The following METTL15 variants were observed in gnomAD, a reference collection of about 807,000 sequenced individuals.
METTL15 encodes methyltransferase 15, mitochondrial 12S rRNA N4-cytidine, also known as 12S rRNA N(4)-cytidine methyltransferase METTL15.
METTL15 carries 34 observed loss-of-function variants against 38.3 expected under a neutral mutation model. The observed-to-expected ratio is 0.89, with a 90% CI of 0.68 to 1.18. The LOEUF is 1.18. METTL15 is among the 50% of genes most tolerant of loss of function. The pLI is 0.00. For missense variants in METTL15, 438 were observed against 498.4 expected, an observed-to-expected ratio of 0.88 and a Z score of 1.15; for synonymous variants, 162 against 170.9, an observed-to-expected ratio of 0.95 and a Z score of 0.41.
intron 2 of METTL15, among the ~76,000 whole-genome samples, chr11:28,110,987 A>C (rs890666984): frequency 1.3e-5 from 2 of 152,210 alleles, no homozygotes; most frequent in African/African-American, 4.8e-5. Flanking sequence ...AGCAGACTGC[A>C]GGAGAGCTCC....
At chr11:28,496,658 A>G (rs1286873048) in intron 6 of METTL15, among the ~76,000 whole-genome samples, 1 of 152,218 alleles carries the variant, frequency 6.6e-6, no homozygotes, top group Non-Finnish European at 1.5e-5. Flanking sequence ...TTTCTAGCTT[A>G]ATAGTTTCTA....
chr11:28,375,279 G>A (rs1399019010), intron 5 of METTL15, among the ~76,000 whole-genome samples: 10 of 144,398 alleles, frequency 6.9e-5, no homozygotes, highest in East Asian at 6.1e-4. Flanking sequence ...GAATTCAGCT[G>A]TGAATCCATC....
intron 3 of METTL15, among the ~76,000 whole-genome samples, chr11:28,141,528 T>TA (rs200264807): frequency 2.7e-4 from 39 of 147,096 alleles, no homozygotes; most frequent in South Asian, 1.7e-3. Flanking sequence ...ACAAAAAAAT[T>TA]AAAAAAAAAA....
At chr11:28,288,618 C>T (rs377358611) in intron 4 of METTL15, among the ~76,000 whole-genome samples, 2 of 152,014 alleles carry the variant, frequency 1.3e-5, no homozygotes, top group East Asian at 3.9e-4. Context: ...ATGATGACCA[C>T]ACATGGACAC....
In METTL15 at chr11:28,367,393, A is replaced by G. The variant is rs138169523; in HGVS notation, c.*358+5357A>G. Among the ~76,000 whole-genome samples, 450 of 152,276 alleles carry G rather than the reference A, an allele frequency of 3.0e-3. 5 individuals are homozygous for G. Among genetic ancestry groups the G allele is most frequent in the African/African-American group, 0.01 (435 of 41,556 alleles). On this transcript the variant is annotated intron_variant and NMD_transcript_variant, in intron 5 of 7. Coordinates refer to the METTL15 transcript ENST00000532947. ...TGAAAATGTTTGAGAGGACCCTAGA[A>G]TCTCTAGCCAGGCTGATTGGTCAAT...
chr11:28,412,088 G>A (rs1023014644), intron 5 of METTL15, among the ~76,000 whole-genome samples: 2 of 151,942 alleles, frequency 1.3e-5, no homozygotes, highest in Admixed American at 6.6e-5. Context: ...AAAGATTAGG[G>A]ATAAGAAATG....
At chr11:28,245,463 T>C (rs1479657508) in intron 4 of METTL15, among the ~76,000 whole-genome samples, 1 of 152,126 alleles carries the variant, frequency 6.6e-6, no homozygotes, top group African/African-American at 2.4e-5. Context: ...GTCATATCTT[T>C]ACAAAGCTTG....
At chr11:28,342,185 A>G (rs1849958332) in intron 3 of METTL15, among the ~76,000 whole-genome samples, 1 of 152,202 alleles carries the variant, frequency 6.6e-6, no homozygotes, top group African/African-American at 2.4e-5. Context: ...CAGTTGTTCT[A>G]GAAGCCCAGG....
chr11:28,453,267 C>T (rs1481046733), intron 6 of METTL15, among the ~76,000 whole-genome samples: 2 of 152,198 alleles, frequency 1.3e-5, no homozygotes, highest in Admixed American at 6.6e-5. Flanking sequence ...CAGCATCCTC[C>T]GGCTCTACCT....
At chr11:28,123,289 T>G (rs1456935528) in intron 3 of METTL15, among the ~76,000 whole-genome samples, 2 of 152,124 alleles carry the variant, frequency 1.3e-5, no homozygotes, top group Non-Finnish European at 2.9e-5. Flanking sequence ...GGCTCTGTCT[T>G]TTCCCATTGT....
intron 6 of METTL15, among the ~76,000 whole-genome samples, chr11:28,327,338 C>A (rs1357267671): frequency 1.3e-5 from 2 of 152,222 alleles, no homozygotes; most frequent in African/African-American, 2.4e-5. Context: ...TTAAGACCAT[C>A]TATTCCCAAA....
chr11:28,356,169 G>T (rs1411167479), intron 4 of METTL15, among the ~76,000 whole-genome samples: 2 of 152,120 alleles, frequency 1.3e-5, no homozygotes, highest in Admixed American at 1.3e-4. Context: ...GCCTTTGCTG[G>T]ATATTTGGTA....
chr11:28,126,002 T>C (rs1285601714), intron 3 of METTL15: 6 of 152,136 alleles, frequency 3.9e-5, no homozygotes, highest in Admixed American at 2.0e-4. Context: ...AGCTAGTGCT[T>C]ATATCTTAGT....
At chr11:28,220,674 T>G (rs1324128950) in intron 4 of METTL15, among the ~76,000 whole-genome samples, 1 of 152,196 alleles carries the variant, frequency 6.6e-6, no homozygotes, top group African/African-American at 2.4e-5. Flanking sequence ...CTTTACAATT[T>G]GGCATGTTTT....
chr11:28,205,740 C>A, intron 3 of METTL15, among the ~76,000 whole-genome samples: 4 of 149,024 alleles, frequency 2.7e-5, no homozygotes, highest in African/African-American at 7.6e-5. Flanking sequence ...AAAAGTGTTC[C>A]TATTTCTCCA....
At chr11:28,203,248 G>A (rs1316871108) in intron 3 of METTL15, among the ~76,000 whole-genome samples, 3 of 151,946 alleles carry the variant, frequency 2.0e-5, no homozygotes, top group Non-Finnish European at 4.4e-5. Flanking sequence ...AAATCAAATT[G>A]GAATCTATAA....
chr11:28,113,991 T>C (rs1302551015), intron 3 of METTL15, among the ~76,000 whole-genome samples: 2 of 152,220 alleles, frequency 1.3e-5, no homozygotes, highest in Non-Finnish European at 2.9e-5. Context: ...CATGGTGTTT[T>C]CAACTAATGA....
At chr11:28,363,814 A>C (rs935284719) in intron 5 of METTL15, among the ~76,000 whole-genome samples, 2 of 152,080 alleles carry the variant, frequency 1.3e-5, no homozygotes, top group Non-Finnish European at 2.9e-5. Context: ...TTATAGTTTG[A>C]GGTTTTAGAT....
At chr11:28,113,049 T>C (rs1034810945) in intron 2 of METTL15, among the ~76,000 whole-genome samples, 1 of 152,176 alleles carries the variant, frequency 6.6e-6, no homozygotes, top group African/African-American at 2.4e-5. Flanking sequence ...ATATCCCTAA[T>C]GGTTAAAATG....
Sources: allele counts gnomAD v4.1 joint callset (sites outside exome capture counted in the v4.1 genomes callset), GRCh38; gene constraint gnomAD v4.1.1; transcripts MANE v1.5; gene names NCBI Gene and HGNC (gene_info 2026-07-23, HGNC 2026-07-21).